The following PARVA variants were observed in gnomAD, a reference collection of about 807,000 sequenced individuals.
PARVA encodes the protein parvin alpha, also known as alpha-parvin.
A neutral mutation model predicts 52.6 loss-of-function variants in PARVA; 25 were observed. The ratio of observed to expected loss-of-function variants is 0.48; its 90% CI spans 0.35 to 0.66. The LOEUF (loss-of-function observed/expected upper bound fraction) is 0.66. Among genes scored for constraint, PARVA ranks in the 30% least tolerant of loss-of-function variants. PARVA has a pLI of 0.01. For synonymous variants in PARVA, 185 were observed against 179.1 expected, an observed-to-expected ratio of 1.03 and a Z score of -0.26; for missense variants, 373 against 450.9, an observed-to-expected ratio of 0.83 and a Z score of 1.56.
intron 12 of PARVA, among the ~76,000 whole-genome samples, chr11:12,527,279 AG>A (rs1222618834): frequency 6.6e-6 from 1 of 151,888 alleles, no homozygotes; most frequent in Admixed American, 6.6e-5. Flanking sequence ...GGAGGGAAGG[AG>A]GATGGGAGGA....
intron 8 of PARVA, among the ~76,000 whole-genome samples, chr11:12,512,573 G>T (rs1941515834): frequency 6.6e-6 from 1 of 152,230 alleles, no homozygotes; most frequent in Admixed American, 6.5e-5. Context: ...CCTGCAGGGA[G>T]CATGGCTTTG....
chr11:12,419,436 A>C (rs1485206085), intron 1 of PARVA, among the ~76,000 whole-genome samples: 1 of 152,186 alleles, frequency 6.6e-6, no homozygotes, highest in East Asian at 1.9e-4. Context: ...GTGTTGTAGC[A>C]TGTGTCAGAA....
chr11:12,514,899 T>G (rs1474539060), intron 10 of PARVA, among the ~76,000 whole-genome samples: 1 of 152,246 alleles, frequency 6.6e-6, no homozygotes, highest in Non-Finnish European at 1.5e-5. Flanking sequence ...TCATGTCTCT[T>G]TAGTCTCTTT....
chr11:12,508,360 C>G (rs916469727), intron 6 of PARVA, among the ~76,000 whole-genome samples: 6 of 152,180 alleles, frequency 3.9e-5, no homozygotes, highest in Non-Finnish European at 8.8e-5. Context: ...CAAGAAACAG[C>G]CTACTTGTTT....
rs59606718 is a variant in PARVA at position 12,522,789 on chromosome 11, T to TAA, written c.1042+4284_1042+4285dup. Among the ~76,000 whole-genome samples the TAA allele has an allele frequency of 2.5e-3, 375 of 147,498 alleles. 2 individuals are homozygous for TAA. Among genetic ancestry groups the TAA allele is most frequent in the African/African-American group, 8.9e-3 (357 of 40,256 alleles). On this transcript the variant is annotated intron_variant, in intron 12 of 12. Transcript: ENST00000334956. ...TATAGCTATACCTCAGTAAAACTGTTAAAAAAAAAAAAACAGACAGCTCAT... is the reference window on the plus strand; with the variant it reads ...TATAGCTATACCTCAGTAAAACTGTTAAAAAAAAAAAAAAACAGACAGCTCAT...
chr11:12,512,738 T>C (rs2135077303), intron 8 of PARVA, among the ~76,000 whole-genome samples: 1 of 152,212 alleles, frequency 6.6e-6, no homozygotes, highest in African/African-American at 2.4e-5. Context: ...TGAGGGAGGG[T>C]TATTTTTAAA....
chr11:12,387,172 T>A (rs181467964), intron 1 of PARVA, among the ~76,000 whole-genome samples: 245 of 152,360 alleles, frequency 1.6e-3, no homozygotes, highest in African/African-American at 5.5e-3. Context: ...AAAATACTTT[T>A]AAAAAGTATG....
intron 1 of PARVA, among the ~76,000 whole-genome samples, chr11:12,456,225 G>C (rs889209261): frequency 1.3e-5 from 2 of 152,204 alleles, no homozygotes; most frequent in Non-Finnish European, 1.5e-5. Context: ...AAGAGTTAGA[G>C]GATGCTTACG....
At chr11:12,416,564 C>T (rs1213173413) in intron 1 of PARVA, among the ~76,000 whole-genome samples, 1 of 152,096 alleles carries the variant, frequency 6.6e-6, no homozygotes, top group Non-Finnish European at 1.5e-5. Flanking sequence ...GAACCTTCGC[C>T]GACTCCAGCG....
chr11:12,463,570 A>G (rs1053852873), intron 1 of PARVA, among the ~76,000 whole-genome samples: 1 of 152,148 alleles, frequency 6.6e-6, no homozygotes, highest in Non-Finnish European at 1.5e-5. Context: ...GACTGTGGAT[A>G]TTGGTCTTGT....
intron 1 of PARVA, among the ~76,000 whole-genome samples, chr11:12,409,328 G>A (rs949691201): frequency 2.0e-5 from 3 of 152,206 alleles, no homozygotes; most frequent in Admixed American, 2.0e-4. Flanking sequence ...TAAAATCTGG[G>A]GTTGTGGTAG....
intron 1 of PARVA, among the ~76,000 whole-genome samples, chr11:12,466,506 A>G (rs1450197578): frequency 2.6e-5 from 4 of 152,046 alleles, no homozygotes; most frequent in Admixed American, 1.3e-4. Flanking sequence ...GGGTTTCACT[A>G]TGTTGGCCAG....
chr11:12,391,167 A>T lies in PARVA; in HGVS notation c.136+13384A>T, dbSNP rs1413018308. The stretch of plus-strand genomic sequence containing the variant: ...CACTGTGCTGAACGTGGCCGGAGTG[A>T]TGGGCACCCAGATTTCACACCTTGT... On this transcript the variant is annotated intron_variant, in intron 1 of 12. Coordinates refer to ENST00000334956, the MANE Select transcript of PARVA (RefSeq NM_018222.5). Among the ~76,000 whole-genome samples, 5 of 152,166 alleles carry T rather than the reference A, an allele frequency of 3.3e-5. No individual in the cohort carries two copies. In the East Asian group the frequency reaches 9.6e-4, roughly 29 times the overall value.
intron 1 of PARVA, among the ~76,000 whole-genome samples, chr11:12,409,403 C>T (rs1939961261): frequency 6.6e-6 from 1 of 152,104 alleles, no homozygotes; most frequent in South Asian, 2.1e-4. Context: ...ATGTTATCTT[C>T]TATGGTAAAG....
Position 12,528,392 on chromosome 11 carries a change from G to C in PARVA, c.*467G>C, listed in dbSNP as rs1941730829. 6.4e-6 allele frequency: 1 copy of C among 156,920 alleles called. No homozygotes were observed. The highest frequency in any genetic ancestry group is 2.0e-4 in the South Asian group (1 of 5,022). 9.7% of individuals were successfully genotyped at this position (156,920 alleles called of 1,614,324 possible). A position where few individuals can be genotyped will look rare whatever the true frequency, so the allele number is the denominator to read the frequency against. On this transcript the variant is annotated 3_prime_UTR_variant, in exon 13 of 13. Transcript: ENST00000334956. ...CCCCTTTTACAGATGAGGAAACTAAGGCTTGGAGGTTAAATGACTTGCCAG... is the reference window on the plus strand; with the variant it reads ...CCCCTTTTACAGATGAGGAAACTAACGCTTGGAGGTTAAATGACTTGCCAG...
intron 1 of PARVA, among the ~76,000 whole-genome samples, chr11:12,384,374 G>A (rs889459683): frequency 3.3e-5 from 5 of 152,094 alleles, no homozygotes; most frequent in Admixed American, 6.5e-5. Flanking sequence ...TGCCTAACAC[G>A]TACCATGCAC....
intron 5 of PARVA, among the ~76,000 whole-genome samples, chr11:12,502,418 T>G (rs1036908958): frequency 6.6e-6 from 1 of 151,966 alleles, no homozygotes; most frequent in Admixed American, 6.6e-5. Flanking sequence ...GCATTTTTTT[T>G]TTGTTATTCC....
intron 1 of PARVA, among the ~76,000 whole-genome samples, chr11:12,465,643 T>C (rs1940844622): frequency 6.6e-6 from 1 of 152,194 alleles, no homozygotes; most frequent in South Asian, 2.1e-4. Flanking sequence ...TAGACCAACT[T>C]GTCTAGGAAT....
intron 1 of PARVA, among the ~76,000 whole-genome samples, chr11:12,396,464 C>T (rs1258108165): frequency 1.3e-5 from 2 of 152,226 alleles, no homozygotes; most frequent in Non-Finnish European, 2.9e-5. Context: ...GGTCCTAGCA[C>T]ACACTGGCTG....
Sources: allele counts gnomAD v4.1 joint callset (sites outside exome capture counted in the v4.1 genomes callset), GRCh38; gene constraint gnomAD v4.1.1; transcripts MANE v1.5; gene names NCBI Gene and HGNC (gene_info 2026-07-23, HGNC 2026-07-21).